DCXR: variants seen among roughly 807,000 people sequenced by gnomAD.
DCXR encodes dicarbonyl and L-xylulose reductase, also known as L-xylulose reductase.
A neutral mutation model predicts 25.9 loss-of-function variants in DCXR; 24 were observed. That is an observed-to-expected ratio of 0.93 (90% CI 0.67 to 1.30). DCXR has a LOEUF of 1.30. Among genes scored for constraint, DCXR ranks in the 50% most tolerant of loss-of-function variants. The pLI is 0.00. For synonymous variants in DCXR, 161 were observed against 141.7 expected, an observed-to-expected ratio of 1.14 and a Z score of -0.97; for missense variants, 348 against 333.7, an observed-to-expected ratio of 1.04 and a Z score of -0.33.
Position 82,037,659 on chromosome 17 carries a change from G to T in DCXR, c.24C>A (p.Arg8=). 4 of 1,590,962 alleles carry T rather than the reference G, an allele frequency of 2.5e-6. No individual in the cohort carries two copies. Among genetic ancestry groups the T allele is most frequent in the Non-Finnish European group, 3.4e-6 (4 of 1,176,320 alleles). ...TGCCTGCCCCGGTGACCAGCACCCGGCGGCCCGCGAGGAACAGCTCCATGT... is the reference window on the plus strand; with the variant it reads ...TGCCTGCCCCGGTGACCAGCACCCGTCGGCCCGCGAGGAACAGCTCCATGT... MELFLAG[R]RVLVTGAGKG... The change falls in exon 1 of 8, where the codon CGC becomes CGA. Residue 8 remains arginine (R), a synonymous_variant. Transcript: ENST00000306869.
chr17:82,036,253 G>T lies in DCXR; in HGVS notation c.569C>A (p.Thr190Asn), dbSNP rs561078316. 1.6e-5 allele frequency: 26 copies of T among 1,613,694 alleles called. 1 individual carries two copies. In the South Asian group the frequency reaches 2.6e-4, roughly 16 times the overall value. ...CTTGGCCTTGTGGGGGTCACTCCAGGTGGCCTGGCCCATGGACGTCATCAC... is the reference window on the plus strand; with the variant it reads ...CTTGGCCTTGTGGGGGTCACTCCAGTTGGCCTGGCCCATGGACGTCATCAC... ...TVVMTSMGQATWSDPHKAKTM... is the reference protein window; with the variant it reads ...TVVMTSMGQANWSDPHKAKTM... The change falls in exon 7 of 8, where the codon ACC (threonine) becomes AAC (asparagine). Residue 190 changes from threonine (T) to asparagine (N), a missense_variant. By Grantham distance (65) the Thr-to-Asn change is moderately conservative (BLOSUM62 0). Transcript: ENST00000306869.
At position 82,037,275 on chromosome 17, in the gene DCXR, C is replaced by T. The variant is rs2043503603; in HGVS notation, c.150+175G>A. The T allele has an allele frequency of 5.4e-6, 5 of 924,292 alleles. No homozygotes were observed. In the South Asian group the frequency reaches 8.9e-5, roughly 16 times the overall value. The allele number at this position is 924,292 out of a possible 1,614,324, so 57.3% of individuals were successfully genotyped here. A position where few individuals can be genotyped will look rare whatever the true frequency, so the allele number is the denominator to read the frequency against. ...GGGCCCCGGCGGCTCTGCCGACCAC[C>T]CGGCCGCCCACGCAGGCCACCAGCC... On this transcript the variant is annotated intron_variant, in intron 2 of 7. Transcript: ENST00000306869.
rs1345507879 is a variant in DCXR, at chr17:82,037,693, T to G, written c.-11A>C. 8.8e-6 allele frequency: 14 copies of G among 1,585,714 alleles called. No homozygotes were observed. Among genetic ancestry groups the G allele is most frequent in the Non-Finnish European group, 9.4e-6 (11 of 1,173,998 alleles). On this transcript the variant is annotated 5_prime_UTR_variant, in exon 1 of 8. Transcript: ENST00000306869. ...GAGGAACAGCTCCATGTCGGCGCAG[T>G]CTCCGCCCTCCGCACTGGGGCTGCG...
At position 82,036,083 on chromosome 17, in the gene DCXR, CAG is replaced by C. The variant is rs754870898; in HGVS notation, c.632-22_632-21del. ...CTACCTCTGTGGGCAGGGCGGGGGTCAGGGGCATAGAGGAAGGAGGCTGCCGC... is the reference window on the plus strand; with the variant it reads ...CTACCTCTGTGGGCAGGGCGGGGGTCGGGCATAGAGGAAGGAGGCTGCCGC... On this transcript the variant is annotated intron_variant, in intron 7 of 7. Transcript: ENST00000306869. The C allele has an allele frequency of 9.3e-6, 15 of 1,611,628 alleles. No homozygotes were observed. The highest frequency in any genetic ancestry group is 1.3e-5 in the African/African-American group (1 of 75,018).
chr17:82,037,005 CCCCGG>C lies in DCXR; in HGVS notation c.154_158del (p.Pro52AspfsTer10). ...CCAGGTCCACGCACACGGGTTCTAT[CCCCGG>C]GCACTGTGTGTATCAGGGGGCAGTT... On this transcript the variant is annotated frameshift_variant, in exon 3 of 8. Coordinates refer to ENST00000306869, the MANE Select transcript of DCXR (RefSeq NM_016286.4). LOFTEE classifies it high-confidence loss of function. 2 of 1,562,824 alleles carry C rather than the reference CCCCGG, an allele frequency of 1.3e-6. No homozygotes were observed. Among genetic ancestry groups the C allele is most frequent in the South Asian group, 2.3e-5 (2 of 85,694 alleles).
At position 82,035,913 on chromosome 17, in the gene DCXR, G is replaced by C; in HGVS notation, c.*47C>G. 6.7e-7 allele frequency: 1 copy of C among 1,500,316 alleles called. No homozygotes were observed. Among genetic ancestry groups the C allele is most frequent in the Non-Finnish European group, 9.2e-7 (1 of 1,081,230 alleles). The allele number at this position is 1,500,316 out of a possible 1,614,324, so 92.9% of individuals were successfully genotyped here. A position where few individuals can be genotyped will look rare whatever the true frequency, so the allele number is the denominator to read the frequency against. On this transcript the variant is annotated 3_prime_UTR_variant, in exon 8 of 8. Transcript: ENST00000306869. The stretch of plus-strand genomic sequence containing the variant: ...CAGAATCAGGTTTATTGGAGGGATT[G>C]GGGGTAGGATGAGCACGGCATGGGG...
Position 82,037,503 on chromosome 17 carries a change from G to A in DCXR, c.97C>T (p.Arg33Trp). 1 of 1,540,128 alleles carries A rather than the reference G, an allele frequency of 6.5e-7. No individual in the cohort carries two copies. The highest frequency in any genetic ancestry group is 8.7e-7 in the Non-Finnish European group (1 of 1,150,268). ...TGAGTCCGGCTCACAGCCACCACCC[G>A]CGCGCCCGTCGCGTGCAGCGCCTGG... ...TVQALHATGARVVAVSRTQAD... is the reference protein window; with the variant it reads ...TVQALHATGAWVVAVSRTQAD... Residue 33 changes from arginine (R) to tryptophan (W), a missense_variant, in exon 2 of 8, where the codon CGG becomes TGG. By Grantham distance (101) the Arg-to-Trp change is moderately radical. Coordinates refer to ENST00000306869, the MANE Select transcript of DCXR (RefSeq NM_016286.4).
In DCXR at chr17:82,037,669, A is replaced by T; in HGVS notation, c.14T>A (p.Leu5His). 1 of 1,591,666 alleles carries T rather than the reference A, an allele frequency of 6.3e-7. No homozygotes were observed. Among genetic ancestry groups the T allele is most frequent in the Non-Finnish European group, 8.5e-7 (1 of 1,176,680 alleles). Reference protein sequence around the residue: MELFLAGRRVLVTGA... With the variant: MELFHAGRRVLVTGA... ...GGTGACCAGCACCCGGCGGCCCGCG[A>T]GGAACAGCTCCATGTCGGCGCAGTC... Residue 5 changes from leucine (L) to histidine (H), a missense_variant, in exon 1 of 8, where the codon CTC becomes CAC. Leu to His is a moderately conservative substitution (Grantham distance 99). Coordinates refer to ENST00000306869, the MANE Select transcript of DCXR (RefSeq NM_016286.4).
chr17:82,036,621 GCTATT>G lies in DCXR; in HGVS notation c.366_370del (p.Leu122PhefsTer22), dbSNP rs765462896. The G allele has an allele frequency of 3.7e-6, 6 of 1,613,236 alleles. No homozygotes were observed. The highest frequency in any genetic ancestry group is 5.1e-6 in the Non-Finnish European group (6 of 1,179,984). On this transcript the variant is annotated frameshift_variant, in exon 5 of 8. Coordinates refer to ENST00000306869, the MANE Select transcript of DCXR (RefSeq NM_016286.4). LOFTEE classifies it high-confidence loss of function. Reference sequence around the variant, plus strand: ...CACGATGGCCCCTGGGACTCCCCGGGCTATTAAGCCCCTGGCCACAATCTGGAATC... The same window carrying G: ...CACGATGGCCCCTGGGACTCCCCGGGAAGCCCCTGGCCACAATCTGGAATC...
In DCXR at chr17:82,037,507, G is replaced by A. The variant is rs1253394929; in HGVS notation, c.93C>T (p.Gly31=). ...TCCGGCTCACAGCCACCACCCGCGC[G>A]CCCGTCGCGTGCAGCGCCTGGACCG... ...RGTVQALHAT[G]ARVVAVSRTQ... Residue 31 remains glycine, a synonymous_variant, in exon 2 of 8, where the codon GGC becomes GGT. Transcript: ENST00000306869. 1.3e-6 allele frequency: 2 copies of A among 1,540,570 alleles called. No homozygotes were observed. Among genetic ancestry groups the A allele is most frequent in the African/African-American group, 2.8e-5 (2 of 72,048 alleles).
Position 82,036,937 on chromosome 17 carries a change from G to A in DCXR, c.227C>T (p.Pro76Leu). 2 of 1,610,868 alleles carry A rather than the reference G, an allele frequency of 1.2e-6. No homozygotes were observed. Among genetic ancestry groups the A allele is most frequent in the Non-Finnish European group, 1.7e-6 (2 of 1,179,050 alleles). Reference sequence around the variant, plus strand: ...GGCGTTGTTCACCAGCAGGTCCACGGGGCCCACGCTGCCCAGCGCCCGCTC... The same window carrying A: ...GGCGTTGTTCACCAGCAGGTCCACGAGGCCCACGCTGCCCAGCGCCCGCTC... ...ATERALGSVG[P>L]VDLLVNNAAV... Residue 76 changes from proline (P) to leucine (L), a missense_variant, in exon 3 of 8, where the codon CCC (proline) becomes CTC (leucine). Coordinates refer to ENST00000306869, the MANE Select transcript of DCXR (RefSeq NM_016286.4).
At chr17:82,037,384 GC>G (rs1282288428) in intron 2 of DCXR, 65 bp downstream of exon 2, 26 of 1,456,682 alleles carry the variant, frequency 1.8e-5, no homozygotes, top group Non-Finnish European at 2.2e-5. Context: ...CAGAGGTACC[GC>G]CCCCGCTCGC....
Position 82,036,042 on chromosome 17 carries a change from G to A in DCXR, c.653C>T (p.Ala218Val). Residue 218 changes from alanine to valine, a missense_variant, in exon 8 of 8, where the codon GCC becomes GTC. Transcript: ENST00000306869. ...KFAEVEHVVN[A>V]ILFLLSDRSG... The stretch of plus-strand genomic sequence containing the variant: ...TCGGTCACTCAGCAGAAAGAGGATG[G>A]CGTTCACCACGTGCTCTACCTCTGT... 6.2e-7 allele frequency: 1 copy of A among 1,613,292 alleles called. No homozygotes were observed. The highest frequency in any genetic ancestry group is 1.7e-5 in the Admixed American group (1 of 60,002).
Position 82,036,958 on chromosome 17 carries a change from C to T in DCXR, c.206G>A (p.Arg69Gln), listed in dbSNP as rs1342008024. The change falls in exon 3 of 8, where the codon CGG becomes CAG. Residue 69 changes from arginine to glutamine, a missense_variant. Transcript: ENST00000306869. ...VDLGDWEATERALGSVGPVDL... is the reference protein window; with the variant it reads ...VDLGDWEATEQALGSVGPVDL... ...CACGGGGCCCACGCTGCCCAGCGCC[C>T]GCTCGGTGGCCTCCCAGTCACCCAG... The T allele has an allele frequency of 3.8e-6, 6 of 1,597,772 alleles. No individual in the cohort carries two copies. Among genetic ancestry groups the T allele is most frequent in the Non-Finnish European group, 5.1e-6 (6 of 1,172,974 alleles).
In DCXR at chr17:82,037,488, T is replaced by A. The variant is rs985583593; in HGVS notation, c.112A>T (p.Ser38Cys). Reference sequence around the variant, plus strand: ...CTGTCAAGATCCGCCTGAGTCCGGCTCACAGCCACCACCCGCGCGCCCGTC... The same window carrying A: ...CTGTCAAGATCCGCCTGAGTCCGGCACACAGCCACCACCCGCGCGCCCGTC... ...HATGARVVAV[S>C]RTQADLDSLV... is the part of the protein sequence containing the mutation. Residue 38 changes from serine (S) to cysteine (C), a missense_variant, in exon 2 of 8, where the codon AGC becomes TGC. Ser to Cys is a moderately radical substitution (Grantham distance 112). Coordinates refer to ENST00000306869, the MANE Select transcript of DCXR (RefSeq NM_016286.4). 6.5e-7 allele frequency: 1 copy of A among 1,537,780 alleles called. No homozygotes were observed. Among genetic ancestry groups the A allele is most frequent in the Non-Finnish European group, 8.7e-7 (1 of 1,149,070 alleles).
Position 82,035,922 on chromosome 17 carries a change from A to G in DCXR, c.*38T>C, listed in dbSNP as rs754459850. 3.9e-6 allele frequency: 6 copies of G among 1,552,012 alleles called. No homozygotes were observed. The Admixed American group carries it at 1.0e-4, about 26-fold the overall frequency. On this transcript the variant is annotated 3_prime_UTR_variant, in exon 8 of 8. Transcript: ENST00000306869. Reference sequence around the variant, plus strand: ...GTTTATTGGAGGGATTGGGGGTAGGATGAGCACGGCATGGGGCTTGAGGTG... The same window carrying G: ...GTTTATTGGAGGGATTGGGGGTAGGGTGAGCACGGCATGGGGCTTGAGGTG...
chr17:82,037,504 C>A lies in DCXR; in HGVS notation c.96G>T (p.Ala32=). 6.5e-7 allele frequency: 1 copy of A among 1,540,108 alleles called. No individual in the cohort carries two copies. Among genetic ancestry groups the A allele is most frequent in the African/African-American group, 1.4e-5 (1 of 72,150 alleles). The part of the protein sequence containing the change: ...GTVQALHATG[A]RVVAVSRTQA... Reference sequence around the variant, plus strand: ...GAGTCCGGCTCACAGCCACCACCCGCGCGCCCGTCGCGTGCAGCGCCTGGA... The same window carrying A: ...GAGTCCGGCTCACAGCCACCACCCGAGCGCCCGTCGCGTGCAGCGCCTGGA... The change falls in exon 2 of 8, where the codon GCG becomes GCT. Residue 32 remains alanine (A), a synonymous_variant. Coordinates refer to ENST00000306869, the MANE Select transcript of DCXR (RefSeq NM_016286.4).
At position 82,036,589 on chromosome 17, in the gene DCXR, A is replaced by G. The variant is rs1598461391; in HGVS notation, c.403T>C (p.Ser135Pro). 1.2e-6 allele frequency: 2 copies of G among 1,613,078 alleles called. No homozygotes were observed. The highest frequency in any genetic ancestry group is 1.7e-6 in the Non-Finnish European group (2 of 1,179,974). Residue 135 changes from serine to proline, a missense_variant, in exon 5 of 8, where the codon TCC (serine) becomes CCC (proline). Coordinates refer to ENST00000306869, the MANE Select transcript of DCXR (RefSeq NM_016286.4). ...RGVPGAIVNV[S>P]SQCSQRAVTN... ...ACTGCCCGCTGGGAGCACTGGCTGG[A>G]GACATTCACGATGGCCCCTGGGACT...
rs771814237 is a variant in DCXR at position 82,037,631 on chromosome 17, C to T, written c.52G>A (p.Gly18Ser). The T allele has an allele frequency of 6.3e-7, 1 of 1,585,056 alleles. No homozygotes were observed. The highest frequency in any genetic ancestry group is 8.5e-7 in the Non-Finnish European group (1 of 1,173,296). The change falls in exon 1 of 8, where the codon GGT becomes AGT. Residue 18 changes from glycine (G) to serine (S), a missense_variant and splice_region_variant. By Grantham distance (56) the Gly-to-Ser change is moderately conservative (BLOSUM62 0). Transcript: ENST00000306869. ...RRVLVTGAGKGIGRGTVQALH... is the reference protein window; with the variant it reads ...RRVLVTGAGKSIGRGTVQALH... Reference sequence around the variant, plus strand: ...TTGCCCACCTTTCCCCGCCGCCCACCTTTGCCTGCCCCGGTGACCAGCACC... The same window carrying T: ...TTGCCCACCTTTCCCCGCCGCCCACTTTTGCCTGCCCCGGTGACCAGCACC...
Sources: gnomAD v4.1 joint callset for allele counts on GRCh38, gnomAD v4.1.1 for gene constraint, MANE v1.5 for transcripts, NCBI Gene and HGNC (gene_info 2026-07-23, HGNC 2026-07-21) for gene names.